Variants in CENPK observed in about 807,000 individuals in gnomAD.
CENPK encodes centromere protein K.
Under a neutral mutation model 40.9 loss-of-function variants are expected in CENPK, and 46 were observed. The ratio of observed to expected loss-of-function variants is 1.13; its 90% CI spans 0.89 to 1.44. CENPK has a LOEUF of 1.44. Among genes scored for constraint, CENPK ranks in the 40% most tolerant of loss-of-function variants. The probability of loss-of-function intolerance (pLI) is 0.00; values close to 1 mark genes in which losing one functional copy is unlikely to be tolerated. For synonymous variants in CENPK, 107 were observed against 104.4 expected (o/e 1.02, Z -0.15); for missense variants, 288 against 303.5 (o/e 0.95, Z 0.38).
Position 65,534,456 on chromosome 5 carries a change from CTTATT to C in CENPK, c.289-5262_289-5258del, listed in dbSNP as rs1746514424. 2.6e-5 allele frequency among the ~76,000 whole-genome samples: 4 copies of C among 152,076 alleles called. No individual in the cohort carries two copies. The South Asian group carries it at 6.2e-4, about 24-fold the overall frequency. On this transcript the variant is annotated intron_variant, in intron 6 of 10. Transcript: ENST00000396679. ...GAATTCATAATACTTGATTTCAAGACTTATTTTAAAGCTTTGGTAAAAAACATAAT... is the reference window on the plus strand; with the variant it reads ...GAATTCATAATACTTGATTTCAAGACTTAAAGCTTTGGTAAAAAACATAAT...
chr5:65,542,507 C>T (rs918748443), intron 6 of CENPK, among the ~76,000 whole-genome samples: 1 of 151,936 alleles, frequency 6.6e-6, no homozygotes, highest in African/African-American at 2.4e-5. Context: ...CATGGTGGTG[C>T]ATGCCTGTAA....
chr5:65,505,672 G>A, the CENPK span, among the ~76,000 whole-genome samples: 33 of 152,158 alleles, frequency 2.2e-4, no homozygotes, highest in Admixed American at 1.3e-3. Context: ...CCTATGTCGT[G>A]TTGTGGATTT....
intron 6 of CENPK, among the ~76,000 whole-genome samples, chr5:65,535,552 C>G (rs943171175): frequency 1.3e-5 from 2 of 152,164 alleles, no homozygotes; most frequent in African/African-American, 4.8e-5. Flanking sequence ...CTGACTGACT[C>G]CCAATAAAAA....
At chr5:65,515,437 G>A (rs1003774995), downstream of CENPK, among the ~76,000 whole-genome samples, 4 of 151,976 alleles carry the variant, frequency 2.6e-5, no homozygotes, top group African/African-American at 9.7e-5. Context: ...TCCTGACCTC[G>A]TGATCCACCC....
At chr5:65,541,798 G>C (rs1411923543) in intron 6 of CENPK, among the ~76,000 whole-genome samples, 1 of 152,122 alleles carries the variant, frequency 6.6e-6, no homozygotes, top group African/African-American at 2.4e-5. Flanking sequence ...AGTTTCAAAG[G>C]TGCTTCAGAA....
chr5:65,552,578 T>A, intron 3 of CENPK, 29 bp from the exon 4 acceptor site: 2 of 1,404,696 alleles, frequency 1.4e-6, no homozygotes, highest in Middle Eastern at 1.8e-4. Flanking sequence ...AAAAGGCAAG[T>A]CACACACGAT....
intron 5 of CENPK, among the ~76,000 whole-genome samples, chr5:65,546,195 T>C (rs1372314149): frequency 6.6e-6 from 1 of 151,146 alleles, no homozygotes; most frequent in Non-Finnish European, 1.5e-5. Context: ...AGTTATATGT[T>C]CTAGTTCTAA....
At chr5:65,544,075 G>A (rs1039371196) in intron 5 of CENPK, among the ~76,000 whole-genome samples, 1 of 152,122 alleles carries the variant, frequency 6.6e-6, no homozygotes, top group Non-Finnish European at 1.5e-5. Context: ...TGCTATTCTA[G>A]AAAGCCTTCT....
At chr5:65,508,254 G>C in the CENPK span, among the ~76,000 whole-genome samples, 1 of 152,142 alleles carries the variant, frequency 6.6e-6, no homozygotes, top group Admixed American at 6.5e-5. Context: ...AATTATTGCT[G>C]TGTGTCTACA....
the CENPK span, among the ~76,000 whole-genome samples, chr5:65,502,258 T>C: frequency 1.3e-5 from 2 of 152,314 alleles, no homozygotes; most frequent in East Asian, 3.9e-4. Context: ...AACTTTTATC[T>C]TCCATTGGTG....
the CENPK span, among the ~76,000 whole-genome samples, chr5:65,499,968 T>G: frequency 1.1e-5 from 1 of 89,068 alleles, no homozygotes; most frequent in Admixed American, 1.1e-4. Context: ...GGTTTCCAGT[T>G]TCATCCATGT....
downstream of CENPK, among the ~76,000 whole-genome samples, chr5:65,515,226 C>G (rs1277586629): frequency 1.9e-5 from 1 of 53,592 alleles, no homozygotes; most frequent in Non-Finnish European, 3.7e-5. Flanking sequence ...TTTTTTGAGA[C>G]GGAGTCTTGC....
chr5:65,513,264 T>G (rs930186822), downstream of CENPK, among the ~76,000 whole-genome samples: 2 of 152,164 alleles, frequency 1.3e-5, no homozygotes, highest in African/African-American at 4.8e-5. Flanking sequence ...TCTAACTTTG[T>G]TCTTCTTAAA....
chr5:65,547,967 G>A (rs533299667), intron 5 of CENPK, among the ~76,000 whole-genome samples: 1 of 152,278 alleles, frequency 6.6e-6, no homozygotes, highest in South Asian at 2.1e-4. Context: ...CCCAGCCTGG[G>A]GAATTTCAAT....
intron 10 of CENPK, 105 bp from the exon 11 acceptor site, chr5:65,518,738 A>C: frequency 1.6e-6 from 1 of 642,784 alleles, no homozygotes; most frequent in East Asian, 2.9e-5. Flanking sequence ...TTTTTCAACA[A>C]CTGTTTAATA....
the CENPK span, among the ~76,000 whole-genome samples, chr5:65,508,822 C>T: frequency 1.4e-5 from 2 of 140,974 alleles, no homozygotes; most frequent in African/African-American, 5.2e-5. Flanking sequence ...AACTGTGAAA[C>T]TTCTGGGAGA....
the CENPK span, among the ~76,000 whole-genome samples, chr5:65,496,573 CACTTT>C: frequency 2.8e-4 from 43 of 152,086 alleles, no homozygotes; most frequent in African/African-American, 9.6e-4. Flanking sequence ...CATACGTAAA[CACTTT>C]ACTTCATAAA....
At chr5:65,538,061 T>C (rs1448643710) in intron 6 of CENPK, among the ~76,000 whole-genome samples, 1 of 152,214 alleles carries the variant, frequency 6.6e-6, no homozygotes, top group Non-Finnish European at 1.5e-5. Flanking sequence ...ATTTTTGTAC[T>C]TCTTTACCAA....
the CENPK span, among the ~76,000 whole-genome samples, chr5:65,503,935 CG>C: frequency 6.6e-6 from 1 of 150,854 alleles, no homozygotes; most frequent in Non-Finnish European, 1.5e-5. Flanking sequence ...GGATTACAGG[CG>C]TGAGTCACCG....
Sources: gnomAD v4.1 joint callset for allele counts (sites outside exome capture counted in the v4.1 genomes callset) on GRCh38, gnomAD v4.1.1 for gene constraint, MANE v1.5 for transcripts, NCBI Gene and HGNC (gene_info 2026-07-23, HGNC 2026-07-21) for gene names.